Variants in CADM2 observed in about 807,000 individuals in gnomAD.
The protein encoded by CADM2 is immunoglobulin superfamily member 4D.
CADM2 carries 12 observed loss-of-function variants against 49.8 expected under a neutral mutation model. That is an observed-to-expected ratio of 0.24 (90% confidence interval 0.15 to 0.39). CADM2 has a LOEUF of 0.39. Among genes scored for constraint, CADM2 ranks in the 10% least tolerant of loss-of-function variants. The pLI is 1.00. For missense variants in CADM2, 378 were observed against 492.3 expected (o/e 0.77, Z 2.20); for synonymous variants, 214 against 175.4 (o/e 1.22, Z -1.74).
chr3:85,424,022 C>T (rs2036288555), intron 1 of CADM2, among the ~76,000 whole-genome samples: 1 of 152,078 alleles, frequency 6.6e-6, no homozygotes, highest in Non-Finnish European at 1.5e-5. Context: ...TCTGCATTGC[C>T]ATAAATTGTG....
At chr3:85,969,751 G>A (rs75115972) in intron 8 of CADM2, among the ~76,000 whole-genome samples, 10 of 150,882 alleles carry the variant, frequency 6.6e-5, no homozygotes, top group East Asian at 6.0e-4. Flanking sequence ...TTTCTATACC[G>A]CTAGCTCTTA....
intron 1 of CADM2, among the ~76,000 whole-genome samples, chr3:85,267,794 T>C (rs1377073455): frequency 7.9e-5 from 12 of 151,578 alleles, no homozygotes; most frequent in Non-Finnish European, 1.6e-4. Context: ...GATTTTTAGA[T>C]ATCTAGAATC....
At chr3:85,021,415 A>C (rs2034505456) in intron 1 of CADM2, among the ~76,000 whole-genome samples, 1 of 152,174 alleles carries the variant, frequency 6.6e-6, no homozygotes, top group South Asian at 2.1e-4. Flanking sequence ...GGCATTATCT[A>C]ACAAGCCTGG....
chr3:85,552,285 TTAAA>T (rs144193086), intron 1 of CADM2, among the ~76,000 whole-genome samples: 4,065 of 151,792 alleles, frequency 0.027, 188 homozygotes, highest in African/African-American at 0.093. Flanking sequence ...ACTATGACAT[TTAAA>T]TAATAATTTG....
chr3:85,649,027 C>G (rs139236999), intron 1 of CADM2, among the ~76,000 whole-genome samples: 3 of 151,934 alleles, frequency 2.0e-5, no homozygotes, highest in Non-Finnish European at 2.9e-5. Flanking sequence ...GAGAAGTTAA[C>G]CAGACTGGGT....
At chr3:85,652,297 A>T (rs1001611071) in intron 1 of CADM2, among the ~76,000 whole-genome samples, 2 of 152,166 alleles carry the variant, frequency 1.3e-5, no homozygotes, top group African/African-American at 4.8e-5. Context: ...TTAGCGTGTG[A>T]TATCTGCGTT....
chr3:85,756,853 T>C (rs1018578746), intron 2 of CADM2, among the ~76,000 whole-genome samples: 5 of 152,256 alleles, frequency 3.3e-5, no homozygotes, highest in African/African-American at 1.2e-4. Context: ...ATTGATCGGG[T>C]TATTTCCCAA....
intron 1 of CADM2, among the ~76,000 whole-genome samples, chr3:85,607,863 G>T (rs958124396): frequency 2.6e-5 from 4 of 151,850 alleles, no homozygotes; most frequent in African/African-American, 9.7e-5. Flanking sequence ...CACCATGTTG[G>T]CCAGGCTGGT....
chr3:85,378,895 A>C (rs1267904438), intron 1 of CADM2, among the ~76,000 whole-genome samples: 2 of 152,032 alleles, frequency 1.3e-5, no homozygotes, highest in Non-Finnish European at 2.9e-5. Flanking sequence ...AATAAAATAA[A>C]TTATAAAAAT....
At chr3:85,643,610 G>A (rs1288400188) in intron 1 of CADM2, among the ~76,000 whole-genome samples, 7 of 152,058 alleles carry the variant, frequency 4.6e-5, no homozygotes, top group African/African-American at 1.7e-4. Context: ...AGATAAAGTA[G>A]AATCAACTAT....
chr3:86,031,351 G>A (rs1207021158), intron 8 of CADM2, among the ~76,000 whole-genome samples: 2 of 151,692 alleles, frequency 1.3e-5, no homozygotes, highest in African/African-American at 2.4e-5. Flanking sequence ...TAAACATTAA[G>A]ATATGAACCA....
chr3:85,625,324 C>A (rs1482263239), intron 1 of CADM2, among the ~76,000 whole-genome samples: 1 of 151,936 alleles, frequency 6.6e-6, no homozygotes, highest in Admixed American at 6.6e-5. Flanking sequence ...ATTTAAAATA[C>A]CTTCTACTAC....
At chr3:85,636,237 C>T (rs75699990) in intron 1 of CADM2, among the ~76,000 whole-genome samples, 22,866 of 152,048 alleles carry the variant, frequency 0.15, 1,835 homozygotes, top group African/African-American at 0.19. Flanking sequence ...TGGGACAAGA[C>T]GCAGAGGTGA....
Position 85,954,250 on chromosome 3 carries a change from A to G in CADM2, c.792-7219A>G, listed in dbSNP as rs75381615. On this transcript the variant is annotated intron_variant, in intron 7 of 9. Coordinates refer to ENST00000383699, the MANE Select transcript of CADM2 (RefSeq NM_001167675.2). The stretch of plus-strand genomic sequence containing the variant: ...CTAAAGCAATAATTTTTCAATAATT[A>G]ATATGACTTTACATATATGTGGAAT... Among the ~76,000 whole-genome samples the G allele has an allele frequency of 5.1e-3, 769 of 151,238 alleles. 7 individuals carry two copies. Among genetic ancestry groups the G allele is most frequent in the African/African-American group, 0.018 (742 of 41,448 alleles).
At chr3:85,103,504 T>TAAG (rs577807361) in intron 1 of CADM2, among the ~76,000 whole-genome samples, 33 of 152,138 alleles carry the variant, frequency 2.2e-4, no homozygotes, top group African/African-American at 7.7e-4. Flanking sequence ...ATACTATGTA[T>TAAG]AAGAAAATGG....
intron 1 of CADM2, among the ~76,000 whole-genome samples, chr3:85,430,510 C>T (rs1170713763): frequency 6.7e-6 from 1 of 148,804 alleles, no homozygotes; most frequent in African/African-American, 2.5e-5. Context: ...AGAGCAAGAC[C>T]TTGTCTCAAA....
intron 1 of CADM2, among the ~76,000 whole-genome samples, chr3:85,370,909 G>A (rs376042312): frequency 2.4e-4 from 36 of 152,200 alleles, no homozygotes; most frequent in African/African-American, 8.4e-4. Flanking sequence ...GTGTGTTTGT[G>A]TCTTTGTTTT....
chr3:85,984,004 T>A (rs907542934), intron 8 of CADM2, among the ~76,000 whole-genome samples: 1 of 150,174 alleles, frequency 6.7e-6, no homozygotes, highest in African/African-American at 2.4e-5. Flanking sequence ...CATATGTGTA[T>A]ATATATGACA....
At chr3:85,031,422 C>G (rs912464135) in intron 1 of CADM2, among the ~76,000 whole-genome samples, 1 of 152,190 alleles carries the variant, frequency 6.6e-6, no homozygotes, top group Non-Finnish European at 1.5e-5. Context: ...GATCCTGGAA[C>G]TTAATCTTTC....
Sources: gnomAD v4.1 joint callset for allele counts (sites outside exome capture counted in the v4.1 genomes callset) on GRCh38, gnomAD v4.1.1 for gene constraint, MANE v1.5 for transcripts, NCBI Gene and HGNC (gene_info 2026-07-23, HGNC 2026-07-21) for gene names.